Variants in EPHA4 observed in about 807,000 individuals in gnomAD.
EPHA4 encodes ephrin type-A receptor 4.
A neutral mutation model predicts 108.3 loss-of-function variants in EPHA4; 19 were observed. That is an observed-to-expected ratio of 0.18 (90% confidence interval 0.12 to 0.26). EPHA4 has a LOEUF of 0.26. EPHA4 is among the 10% of genes least tolerant of loss of function. The probability of loss-of-function intolerance (pLI) is 1.00; values close to 1 mark genes in which losing one functional copy is unlikely to be tolerated. For missense variants in EPHA4, 917 were observed against 1,254.0 expected (o/e 0.73, Z 4.06); for synonymous variants, 449 against 455.5 (o/e 0.99, Z 0.18).
At chr2:221,486,909 T>A (rs1364287786) in intron 4 of EPHA4, among the ~76,000 whole-genome samples, 5 of 152,148 alleles carry the variant, frequency 3.3e-5, no homozygotes, top group Non-Finnish European at 7.3e-5. Context: ...CCCAGTGTTA[T>A]GAAGTGTGTG....
intron 5 of EPHA4, among the ~76,000 whole-genome samples, chr2:221,477,513 C>T (rs1457671729): frequency 6.6e-6 from 1 of 152,152 alleles, no homozygotes; most frequent in Non-Finnish European, 1.5e-5. Flanking sequence ...CCACTAGATG[C>T]AACTGCACCA....
chr2:221,506,755 G>A (rs984917639), intron 3 of EPHA4, among the ~76,000 whole-genome samples: 1 of 152,144 alleles, frequency 6.6e-6, no homozygotes, highest in African/African-American at 2.4e-5. Flanking sequence ...ATCCAGGAAT[G>A]GGCAAACATT....
intron 5 of EPHA4, among the ~76,000 whole-genome samples, chr2:221,460,463 A>C (rs1691102430): frequency 6.6e-6 from 1 of 152,210 alleles, no homozygotes; most frequent in Non-Finnish European, 1.5e-5. Flanking sequence ...TATTGATCAG[A>C]TGTTCTTCAG....
rs3770165 is a variant in EPHA4 at position 221,465,833 on chromosome 2, A to T, written c.1319-7843T>A. Among the ~76,000 whole-genome samples, 1,935 of 152,326 alleles carry T rather than the reference A, an allele frequency of 0.013. 113 individuals carry two copies. The East Asian group carries it at 0.14, about 11-fold the overall frequency. On this transcript the variant is annotated intron_variant, in intron 5 of 17. Transcript: ENST00000281821. ...TATTGCAATAACCCATTGAACTGGC[A>T]TTTGGGGTTAAAACAGGTACTCATT...
chr2:221,486,593 G>A (rs887558584), intron 4 of EPHA4, among the ~76,000 whole-genome samples: 6 of 151,924 alleles, frequency 3.9e-5, no homozygotes, highest in African/African-American at 4.8e-5. Flanking sequence ...AATTAGCCAG[G>A]TGTGCTGGCA....
At chr2:221,437,509 T>G (rs1574562047) in intron 11 of EPHA4, 1 of 162,782 alleles carries the variant, frequency 6.1e-6, no homozygotes, top group Middle Eastern at 3.0e-3. Flanking sequence ...AAGAGCCACT[T>G]GTAAGAAGCT....
At position 221,426,224 on chromosome 2, in the gene EPHA4, G is replaced by T; in HGVS notation, c.2847-82C>A. On this transcript the variant is annotated intron_variant, in intron 16 of 17. Coordinates refer to ENST00000281821, the MANE Select transcript of EPHA4 (RefSeq NM_004438.5). ...TTTCTTGGGCTTCATGCAGACACAC[G>T]TTTGAATCAGCCACAATTAATACAG... is the stretch of plus-strand genomic sequence containing the variant. The T allele has an allele frequency of 3.9e-6, 5 of 1,279,778 alleles. No individual in the cohort carries two copies. The South Asian group carries it at 4.8e-5, about 12-fold the overall frequency. The allele number at this position is 1,279,778 out of a possible 1,614,324, so 79.3% of individuals were successfully genotyped here. A position where few individuals can be genotyped will look rare whatever the true frequency, so the allele number is the denominator to read the frequency against.
chr2:221,570,712 A>G (rs574563300), intron 1 of EPHA4, among the ~76,000 whole-genome samples: 14 of 152,294 alleles, frequency 9.2e-5, no homozygotes, highest in Admixed American at 3.9e-4. Context: ...TTACACAGGG[A>G]TGGATGGACG....
intron 5 of EPHA4, among the ~76,000 whole-genome samples, chr2:221,476,651 G>A (rs1691659556): frequency 6.6e-6 from 1 of 152,146 alleles, no homozygotes; most frequent in South Asian, 2.1e-4. Context: ...TACCTAAATT[G>A]ATTGCTGTAA....
intron 1 of EPHA4, among the ~76,000 whole-genome samples, chr2:221,570,880 C>T (rs1330663763): frequency 6.6e-6 from 1 of 150,788 alleles, no homozygotes; most frequent in Non-Finnish European, 1.5e-5. Context: ...GACGGATGCA[C>T]GGAGAGATGG....
At chr2:221,479,550 T>G (rs1691757179) in intron 5 of EPHA4, among the ~76,000 whole-genome samples, 1 of 152,238 alleles carries the variant, frequency 6.6e-6, no homozygotes, top group Non-Finnish European at 1.5e-5. Context: ...TTTAATTTAA[T>G]GAAATGATAG....
chr2:221,561,283 A>G (rs1694455828), intron 3 of EPHA4, among the ~76,000 whole-genome samples: 1 of 152,074 alleles, frequency 6.6e-6, no homozygotes, highest in African/African-American at 2.4e-5. Flanking sequence ...AGTCTCACTC[A>G]AGCTTGGAAT....
intron 13 of EPHA4, among the ~76,000 whole-genome samples, chr2:221,435,752 A>G (rs941010357): frequency 5.9e-5 from 9 of 152,194 alleles, no homozygotes; most frequent in Admixed American, 3.9e-4. Flanking sequence ...CCGCTTATCT[A>G]CCAGTGGTAA....
chr2:221,431,966 G>A (rs1012829315), intron 14 of EPHA4, among the ~76,000 whole-genome samples: 1 of 152,032 alleles, frequency 6.6e-6, no homozygotes, highest in African/African-American at 2.4e-5. Context: ...TAATTCCCCA[G>A]ATACATTTCC....
intron 17 of EPHA4, among the ~76,000 whole-genome samples, 154 bp downstream of exon 17, chr2:221,425,054 CT>C (rs1464481707): frequency 6.6e-6 from 1 of 150,694 alleles, no homozygotes; most frequent in African/African-American, 2.5e-5. Flanking sequence ...TCCTCTTTCG[CT>C]GTCAAAAAAG....
At chr2:221,437,148 A>G in intron 11 of EPHA4, 26 bp from the exon 12 acceptor site, 1 of 1,573,070 alleles carries the variant, frequency 6.4e-7, no homozygotes, top group Admixed American at 1.7e-5. Context: ...AGAAAAACAC[A>G]AACCTTTGAT....
chr2:221,491,403 A>T (rs1692140675), intron 4 of EPHA4, among the ~76,000 whole-genome samples: 1 of 152,240 alleles, frequency 6.6e-6, no homozygotes, highest in African/African-American at 2.4e-5. Flanking sequence ...CTGATCGCCA[A>T]AAACTAAGAT....
intron 8 of EPHA4, among the ~76,000 whole-genome samples, chr2:221,447,374 T>C (rs1433552878): frequency 6.6e-6 from 1 of 152,160 alleles, no homozygotes; most frequent in East Asian, 1.9e-4. Flanking sequence ...GTCAAAATCC[T>C]ATACCCTGAA....
chr2:221,479,114 G>T (rs905873771), intron 5 of EPHA4, among the ~76,000 whole-genome samples: 4 of 152,202 alleles, frequency 2.6e-5, no homozygotes, highest in African/African-American at 9.7e-5. Context: ...TCCATGCCCA[G>T]ATACTCACAT....
Sources: allele counts gnomAD v4.1 joint callset (sites outside exome capture counted in the v4.1 genomes callset), GRCh38; gene constraint gnomAD v4.1.1; transcripts MANE v1.5; gene names NCBI Gene and HGNC (gene_info 2026-07-23, HGNC 2026-07-21).